CFAP20DC: variants seen among roughly 807,000 people sequenced by gnomAD.
CFAP20DC encodes protein CFAP20DC.
In CFAP20DC, 84 loss-of-function variants were observed where a neutral mutation model predicts 101.7. The observed-to-expected ratio is 0.83, with a 90% CI of 0.69 to 0.99. The LOEUF (loss-of-function observed/expected upper bound fraction) is 0.99. CFAP20DC is among the 50% of genes least tolerant of loss of function. The probability of loss-of-function intolerance (pLI) is 0.00; values close to 1 mark genes in which losing one functional copy is unlikely to be tolerated. For missense variants in CFAP20DC, 1,007 were observed against 970.3 expected (o/e 1.04, Z -0.50); for synonymous variants, 359 against 351.2 (o/e 1.02, Z -0.25).
In CFAP20DC at chr3:58,842,404, A is replaced by G. The variant is rs868826617; in HGVS notation, c.1971+6628T>C. ...TTTCCGAGTCAAAGAAAGGGGTGAC[A>G]GACGCACCTGGAAAATCGGGTCACT... On this transcript the variant is annotated intron_variant, in intron 13 of 16. Transcript: ENST00000482387. 1.2e-3 allele frequency among the ~76,000 whole-genome samples: 185 copies of G among 152,192 alleles called. 1 individual carries two copies. Among genetic ancestry groups the G allele is most frequent in the South Asian group, 8.5e-3 (41 of 4,822 alleles).
intron 4 of CFAP20DC, among the ~76,000 whole-genome samples, chr3:59,029,529 T>C (rs996256525): frequency 1.3e-5 from 2 of 151,992 alleles, no homozygotes; most frequent in African/African-American, 4.8e-5. Context: ...AGACTTCACC[T>C]GGTGCGTGAG....
chr3:58,851,845 C>G (rs1216674860), intron 12 of CFAP20DC, among the ~76,000 whole-genome samples: 2 of 152,056 alleles, frequency 1.3e-5, no homozygotes, highest in Non-Finnish European at 1.5e-5. Context: ...AATGATTTCC[C>G]AACAAAACTC....
chr3:59,012,035 C>A (rs1005141253), intron 4 of CFAP20DC, among the ~76,000 whole-genome samples: 13 of 151,938 alleles, frequency 8.6e-5, no homozygotes, highest in Admixed American at 3.9e-4. Flanking sequence ...ACTGGCGCTT[C>A]GAAATAAAGC....
chr3:58,863,359 T>C lies in CFAP20DC; in HGVS notation c.1593+199A>G. 2.8e-6 allele frequency: 4 copies of C among 1,410,706 alleles called. No homozygotes were observed. The highest frequency in any genetic ancestry group is 3.7e-6 in the Non-Finnish European group (4 of 1,088,554). 87.4% of individuals were successfully genotyped at this position (1,410,706 alleles called of 1,614,324 possible). A position where few individuals can be genotyped will look rare whatever the true frequency, so the allele number is the denominator to read the frequency against. On this transcript the variant is annotated intron_variant, in intron 12 of 16. Coordinates refer to ENST00000482387, the MANE Select transcript of CFAP20DC (RefSeq NM_001394063.1). This position sits in a 1 kb window ranked among gnomAD's most constrained non-coding sequence, Gnocchi z 5.9. ...TTCTATAAGTAAAAGTGAAATTGGC[T>C]GACTGTTAATTAAAAAAAAAAAAAG...
At chr3:58,934,994 C>T (rs371498433) in intron 5 of CFAP20DC, among the ~76,000 whole-genome samples, 1 of 152,182 alleles carries the variant, frequency 6.6e-6, no homozygotes, top group Non-Finnish European at 1.5e-5. Context: ...TCCCTGTTTG[C>T]AGATGACATG....
chr3:58,835,988 A>G (rs1378205118), intron 13 of CFAP20DC, among the ~76,000 whole-genome samples: 2 of 152,188 alleles, frequency 1.3e-5, no homozygotes, highest in South Asian at 4.1e-4. Flanking sequence ...GAGGGGAGAC[A>G]TTATCAATCA....
chr3:58,845,320 A>C (rs1471999436), intron 13 of CFAP20DC, among the ~76,000 whole-genome samples: 1 of 152,062 alleles, frequency 6.6e-6, no homozygotes, highest in African/African-American at 2.4e-5. Flanking sequence ...ATAAAAAATG[A>C]TAAAGGGGAT....
chr3:58,949,269 T>G (rs2089777529), intron 4 of CFAP20DC, among the ~76,000 whole-genome samples: 2 of 152,166 alleles, frequency 1.3e-5, no homozygotes, highest in Admixed American at 6.5e-5. Flanking sequence ...AAGGTTTTTT[T>G]TGTCTCTATT....
chr3:58,915,094 A>G (rs549532413), intron 5 of CFAP20DC, among the ~76,000 whole-genome samples: 8 of 152,136 alleles, frequency 5.3e-5, no homozygotes, highest in Non-Finnish European at 1.2e-4. Flanking sequence ...GTGCAAAAGC[A>G]GAGTGTTGAG....
At chr3:58,940,218 C>A (rs1193875453) in intron 4 of CFAP20DC, among the ~76,000 whole-genome samples, 1 of 152,168 alleles carries the variant, frequency 6.6e-6, no homozygotes, top group Non-Finnish European at 1.5e-5. Context: ...GCTGGGAGTA[C>A]GTCAGGGAGA....
chr3:59,004,112 G>C (rs181146374), intron 4 of CFAP20DC, among the ~76,000 whole-genome samples: 1 of 152,168 alleles, frequency 6.6e-6, no homozygotes, highest in Non-Finnish European at 1.5e-5. Flanking sequence ...GGACAAGGGG[G>C]TCAAGCTAGA....
At chr3:58,919,018 A>ATCAT (rs1183448546) in intron 5 of CFAP20DC, among the ~76,000 whole-genome samples, 2 of 152,190 alleles carry the variant, frequency 1.3e-5, no homozygotes, top group Non-Finnish European at 2.9e-5. Context: ...TTTTGACCAC[A>ATCAT]TCATACTCCT....
At chr3:58,890,657 C>T (rs183129932) in intron 6 of CFAP20DC, among the ~76,000 whole-genome samples, 85 of 150,886 alleles carry the variant, frequency 5.6e-4, no homozygotes, top group African/African-American at 1.9e-3. Flanking sequence ...GGAGGGGCTC[C>T]TCTTTTCAGA....
At chr3:58,898,084 T>C (rs1431638777) in intron 6 of CFAP20DC, among the ~76,000 whole-genome samples, 1 of 152,182 alleles carries the variant, frequency 6.6e-6, no homozygotes, top group Non-Finnish European at 1.5e-5. Flanking sequence ...TTCCTTTTTT[T>C]CCCTCTATTC....
At chr3:58,801,050 T>TGAGAGAGAGAGAGAGAGAGAGAGA (rs143776206) in intron 15 of CFAP20DC, among the ~76,000 whole-genome samples, 87 of 131,688 alleles carry the variant, frequency 6.6e-4, no homozygotes, top group African/African-American at 2.6e-3. Flanking sequence ...GGGGAGTAAG[T>TGAGAGAGAGAGAGAGAGAGAGAGA]GAGAGAGAGA....
chr3:58,960,614 C>T (rs2091054565), intron 4 of CFAP20DC, among the ~76,000 whole-genome samples: 2 of 151,850 alleles, frequency 1.3e-5, no homozygotes, highest in Admixed American at 1.3e-4. Flanking sequence ...ATCATTTCTG[C>T]ATATATTGAC....
chr3:58,815,887 T>A (rs1476750192), intron 14 of CFAP20DC, among the ~76,000 whole-genome samples: 5 of 151,056 alleles, frequency 3.3e-5, no homozygotes, highest in Admixed American at 1.3e-4. Context: ...TGTGGAGAAA[T>A]AGGAACACTT....
chr3:58,976,049 G>T (rs1289836713), intron 4 of CFAP20DC, among the ~76,000 whole-genome samples: 2 of 152,166 alleles, frequency 1.3e-5, no homozygotes, highest in African/African-American at 2.4e-5. Context: ...AATGGCAGGG[G>T]TCTATTCGCT....
intron 14 of CFAP20DC, among the ~76,000 whole-genome samples, chr3:58,813,373 C>T (rs940969489): frequency 2.0e-5 from 3 of 151,964 alleles, no homozygotes; most frequent in African/African-American, 7.3e-5. Flanking sequence ...ATGTGGTTAG[C>T]AACAATGCGA....
Sources: gnomAD v4.1 joint callset for allele counts (sites outside exome capture counted in the v4.1 genomes callset) on GRCh38, gnomAD v4.1.1 for gene constraint, Gnocchi (gnomAD v3.1) non-coding constraint, MANE v1.5 for transcripts, NCBI Gene and HGNC (gene_info 2026-07-23, HGNC 2026-07-21) for gene names.